The following DEPDC5 variants were observed in gnomAD, a reference collection of about 807,000 sequenced individuals.
The protein encoded by DEPDC5 is GATOR1 complex protein DEPDC5.
A neutral mutation model predicts 217.3 loss-of-function variants in DEPDC5; 73 were observed. The ratio of observed to expected loss-of-function variants is 0.34; its 90% CI spans 0.28 to 0.41. The LOEUF is 0.41. Among genes scored for constraint, DEPDC5 ranks in the 10% least tolerant of loss-of-function variants. The probability of loss-of-function intolerance (pLI) is 1.00; values close to 1 mark genes in which losing one functional copy is unlikely to be tolerated. For synonymous variants in DEPDC5, 733 were observed against 756.7 expected (o/e 0.97, Z 0.51); for missense variants, 1,675 against 2,070.1 (o/e 0.81, Z 3.70).
intron 7 of DEPDC5, 120 bp downstream of exon 7, chr22:31,768,983 G>A: frequency 7.6e-7 from 1 of 1,311,652 alleles, no homozygotes; most frequent in Non-Finnish European, 1.1e-6. Context: ...ATTGTTGGCT[G>A]GCCACAGTGG....
At chr22:31,782,808 G>A (rs2084585066) in intron 8 of DEPDC5, among the ~76,000 whole-genome samples, 1 of 152,142 alleles carries the variant, frequency 6.6e-6, no homozygotes, top group Admixed American at 6.6e-5. Flanking sequence ...ATCTTGTACT[G>A]TAAGCTCCTG....
intron 21 of DEPDC5, chr22:31,815,521 A>T (rs146814959): frequency 3.1e-6 from 2 of 642,248 alleles, no homozygotes; most frequent in Non-Finnish European, 5.5e-6. Context: ...AGTAACTGGG[A>T]CTATAGCATG....
intron 20 of DEPDC5, 144 bp downstream of exon 20, chr22:31,810,785 G>GT (rs941853496): frequency 1.4e-5 from 19 of 1,349,954 alleles, no homozygotes; most frequent in Non-Finnish European, 1.8e-5. Context: ...GTTTTGTTTT[G>GT]TTTTTTTGAG....
intron 30 of DEPDC5, among the ~76,000 whole-genome samples, chr22:31,845,748 CGTGT>C (rs369816632): frequency 1.3e-5 from 2 of 149,366 alleles, no homozygotes; most frequent in Non-Finnish European, 3.0e-5. Context: ...GTATAATTGA[CGTGT>C]GTGTGTGTGT....
chr22:31,902,682 A>G (rs893819512), intron 41 of DEPDC5, among the ~76,000 whole-genome samples: 6 of 152,034 alleles, frequency 3.9e-5, no homozygotes, highest in Non-Finnish European at 7.4e-5. Flanking sequence ...TACGAAGTAG[A>G]CAGGCCTTAT....
chr22:31,881,450 C>T (rs1331832728), intron 38 of DEPDC5, among the ~76,000 whole-genome samples: 1 of 152,084 alleles, frequency 6.6e-6, no homozygotes, highest in Non-Finnish European at 1.5e-5. Flanking sequence ...GCAGTCATGA[C>T]TTGCTCTTCT....
At chr22:31,779,642 A>G (rs185603760) in intron 8 of DEPDC5, among the ~76,000 whole-genome samples, 1 of 152,316 alleles carries the variant, frequency 6.6e-6, no homozygotes, top group Admixed American at 6.5e-5. Flanking sequence ...TTAAGAGATC[A>G]CTACTCATTC....
intron 31 of DEPDC5, among the ~76,000 whole-genome samples, chr22:31,856,155 G>GCGCACACACA (rs1226909374): frequency 2.8e-5 from 4 of 140,570 alleles, no homozygotes; most frequent in Admixed American, 7.2e-5. Context: ...GGGCCAACGC[G>GCGCACACACA]CACACACACA....
intron 3 of DEPDC5, among the ~76,000 whole-genome samples, chr22:31,760,405 C>T (rs538334390): frequency 2.3e-4 from 34 of 149,330 alleles, no homozygotes; most frequent in Non-Finnish European, 4.5e-4. Flanking sequence ...GGGGTTTCAC[C>T]GTGTTAGCCA....
intron 20 of DEPDC5, among the ~76,000 whole-genome samples, chr22:31,813,657 G>A (rs2088703837): frequency 6.7e-6 from 1 of 149,542 alleles, no homozygotes; most frequent in Admixed American, 6.6e-5. Context: ...TTCCCCTTAG[G>A]GAATTTTATG....
chr22:31,870,438 G>A (rs2092809140), intron 33 of DEPDC5, 152 bp from the exon 34 acceptor site: 2 of 808,774 alleles, frequency 2.5e-6, no homozygotes, highest in Admixed American at 4.2e-5. Flanking sequence ...GGACCAAGGG[G>A]TAGTGGGAAT....
chr22:31,815,263 T>G, intron 21 of DEPDC5, 51 bp downstream of exon 21: 1 of 1,596,158 alleles, frequency 6.3e-7, no homozygotes, highest in Non-Finnish European at 8.6e-7. Context: ...CTTAATATAG[T>G]GGGTGACTGG....
Position 31,836,992 on chromosome 22 carries a change from C to T in DEPDC5, c.2191C>T (p.Pro731Ser). 1 of 1,614,104 alleles carries T rather than the reference C, an allele frequency of 6.2e-7. No homozygotes were observed. The highest frequency in any genetic ancestry group is 8.5e-7 in the Non-Finnish European group (1 of 1,180,014). The part of the protein sequence containing the change: ...PDPILTLSAP[P>S]VVPGFCCTVG... ...GGCAGTTCTGACACTGTCTGCTCCC[C>T]CTGTAGTGCCAGGCTTCTGTTGCAC... The change falls in exon 26 of 43, where the codon CCT becomes TCT. Residue 731 changes from proline (P) to serine (S), a missense_variant. Around this residue, in one of 11 missense-constraint regions of DEPDC5, gnomAD observed 136 missense variants for 132.2 expected, o/e 1.03. Transcript: ENST00000651528.
chr22:31,811,151 C>T (rs914999780), intron 20 of DEPDC5, among the ~76,000 whole-genome samples: 2 of 152,058 alleles, frequency 1.3e-5, no homozygotes, highest in African/African-American at 4.8e-5. Flanking sequence ...CTCACTGCAA[C>T]TTCCGCCTCC....
At chr22:31,797,744 A>G in intron 13 of DEPDC5, 41 bp downstream of exon 13, 1 of 1,461,958 alleles carries the variant, frequency 6.8e-7, no homozygotes, top group South Asian at 1.1e-5. Context: ...GGGGAAAGGA[A>G]GTGTAGGAGG....
rs1030696847 is a variant in DEPDC5, at chr22:31,812,424, T to C, written c.1445+1783T>C. ...GTGAATCAATTTTCCATATTTCTTT[T>C]TTTTTTTTTTTTTTTTTTGAGACAG... On this transcript the variant is annotated intron_variant, in intron 20 of 42. Coordinates refer to ENST00000651528, the MANE Select transcript of DEPDC5 (RefSeq NM_001242896.3). 5.4e-3 allele frequency among the ~76,000 whole-genome samples: 758 copies of C among 139,524 alleles called. 8 individuals are homozygous for C. Among genetic ancestry groups the C allele is most frequent in the African/African-American group, 0.019 (701 of 37,438 alleles). 91.5% of individuals were successfully genotyped at this position (139,524 alleles called of 152,430 possible).
chr22:31,873,519 T>G (rs1207028412), intron 35 of DEPDC5, among the ~76,000 whole-genome samples, 187 bp downstream of exon 35: 2 of 150,388 alleles, frequency 1.3e-5, no homozygotes, highest in Admixed American at 6.6e-5. Flanking sequence ...TGTTTTTTGT[T>G]TTTTTTTTTT....
intron 38 of DEPDC5, among the ~76,000 whole-genome samples, chr22:31,883,653 A>T (rs148670731): frequency 5.9e-5 from 9 of 152,194 alleles, no homozygotes; most frequent in Non-Finnish European, 1.0e-4. Flanking sequence ...CAGAGAGGCG[A>T]AGTAATTTGC....
chr22:31,810,308 G>A (rs111527591), intron 19 of DEPDC5, among the ~76,000 whole-genome samples: 14 of 152,132 alleles, frequency 9.2e-5, no homozygotes, highest in South Asian at 2.1e-4. Flanking sequence ...TGACATATAC[G>A]TCATTTAGTC....
Sources: gnomAD v4.1 joint callset for allele counts (sites outside exome capture counted in the v4.1 genomes callset) on GRCh38, gnomAD v4.1.1 for gene constraint, gnomAD v4.1.1 regional missense constraint, MANE v1.5 for transcripts, NCBI Gene and HGNC (gene_info 2026-07-23, HGNC 2026-07-21) for gene names.